Variants in CTIF observed in about 807,000 individuals in gnomAD.
CTIF encodes the protein cap binding complex dependent translation initiation factor.
In CTIF, 21 loss-of-function variants were observed where a neutral mutation model predicts 66.0. The ratio of observed to expected loss-of-function variants is 0.32; its 90% CI spans 0.23 to 0.46. The LOEUF (loss-of-function observed/expected upper bound fraction) is 0.46. Among genes scored for constraint, CTIF ranks in the 20% least tolerant of loss-of-function variants. The pLI is 1.00. For missense variants in CTIF, 739 were observed against 812.7 expected, an observed-to-expected ratio of 0.91 and a Z score of 1.10; for synonymous variants, 345 against 326.4, an observed-to-expected ratio of 1.06 and a Z score of -0.62.
In CTIF at chr18:48,817,289, C is replaced by T. The variant is rs141764588; in HGVS notation, c.1440C>T (p.Phe480=). Residue 480 remains phenylalanine (F), a synonymous_variant, in exon 10 of 12, where the codon TTC becomes TTT. Transcript: ENST00000256413. ...DVERWLGFIT[F]LCEVFGTMRS... is the part of the protein sequence containing the mutation. ...AGCGCTGGCTGGGCTTCATCACCTT[C>T]CTGTGCGAGGTCTTCGGCACCATGC... The T allele has an allele frequency of 5.8e-4, 929 of 1,614,048 alleles. 3 individuals are homozygous for T. In the African/African-American group the frequency reaches 0.011, roughly 19 times the overall value.
chr18:48,717,815 C>G (rs962710461), intron 7 of CTIF, among the ~76,000 whole-genome samples: 16 of 152,188 alleles, frequency 1.1e-4, no homozygotes, highest in African/African-American at 3.9e-4. Context: ...CAGCCTTGAA[C>G]TCCTGGCCTC....
Position 48,859,951 on chromosome 18 carries a change from C to A in CTIF, c.*392C>A, listed in dbSNP as rs1338279877. ...TCGCACGCCGGGGCACCGCTTGGGT[C>A]AGAAAGGACCTCGGAAGGCTGAAAA... On this transcript the variant is annotated 3_prime_UTR_variant, in exon 12 of 12. Transcript: ENST00000256413. 2.1e-6 allele frequency: 1 copy of A among 474,340 alleles called. No homozygotes were observed. The highest frequency in any genetic ancestry group is 4.2e-6 in the Non-Finnish European group (1 of 239,394). The allele number at this position is 474,340 out of a possible 1,614,324, so 29.4% of individuals were successfully genotyped here.
intron 7 of CTIF, among the ~76,000 whole-genome samples, chr18:48,712,680 A>T (rs368951464): frequency 6.6e-6 from 1 of 152,264 alleles, no homozygotes; most frequent in African/African-American, 2.4e-5. Context: ...GCCAAGAAAC[A>T]GCCGGTGGAC....
chr18:48,692,073 G>A (rs1263335537), intron 6 of CTIF, among the ~76,000 whole-genome samples: 1 of 152,082 alleles, frequency 6.6e-6, no homozygotes, highest in Admixed American at 6.5e-5. Context: ...GTAGAGATGG[G>A]GTTTTGCCAT....
At chr18:48,668,478 G>A (rs1325237092) in intron 5 of CTIF, among the ~76,000 whole-genome samples, 2 of 152,190 alleles carry the variant, frequency 1.3e-5, no homozygotes, top group South Asian at 2.1e-4. Flanking sequence ...TTCTCCACCT[G>A]CTCACCTGTA....
intron 1 of CTIF, among the ~76,000 whole-genome samples, chr18:48,591,279 G>T (rs537954931): frequency 2.6e-5 from 4 of 152,216 alleles, no homozygotes; most frequent in Non-Finnish European, 5.9e-5. Flanking sequence ...TGGGTCCCAG[G>T]CTGGCTGTGG....
At chr18:48,754,595 C>T (rs1272196352) in intron 7 of CTIF, among the ~76,000 whole-genome samples, 1 of 152,240 alleles carries the variant, frequency 6.6e-6, no homozygotes. Flanking sequence ...CATTTAGCTC[C>T]ATATCAAGAC....
At chr18:48,638,743 C>T (rs114860427) in intron 3 of CTIF, among the ~76,000 whole-genome samples, 1,543 of 152,336 alleles carry the variant, frequency 0.01, 26 homozygotes, top group African/African-American at 0.036. Flanking sequence ...TTTGACAAAA[C>T]GAAATATAAC....
At chr18:48,696,515 C>T (rs996489429) in intron 6 of CTIF, among the ~76,000 whole-genome samples, 3 of 152,176 alleles carry the variant, frequency 2.0e-5, no homozygotes, top group African/African-American at 4.8e-5. Context: ...GTACCGACAC[C>T]GCTCTTAGTC....
chr18:48,852,108 C>A (rs1195416539), intron 10 of CTIF, among the ~76,000 whole-genome samples: 1 of 151,718 alleles, frequency 6.6e-6, no homozygotes, highest in African/African-American at 2.4e-5. Flanking sequence ...TGGTGGTGCA[C>A]CCCTGCTCCC....
chr18:48,832,482 G>T (rs1001845515), intron 10 of CTIF, among the ~76,000 whole-genome samples: 1 of 152,198 alleles, frequency 6.6e-6, no homozygotes, highest in Admixed American at 6.5e-5. Flanking sequence ...AGAAAGGGAA[G>T]AGAAGGGCTG....
chr18:48,616,393 C>CT (rs1175670171), intron 1 of CTIF, among the ~76,000 whole-genome samples: 1 of 152,226 alleles, frequency 6.6e-6, no homozygotes, highest in African/African-American at 2.4e-5. Context: ...TAAGCACATG[C>CT]TCAGCACTTG....
chr18:48,590,171 C>T (rs578201461), intron 1 of CTIF, among the ~76,000 whole-genome samples: 1 of 152,254 alleles, frequency 6.6e-6, no homozygotes, highest in Non-Finnish European at 1.5e-5. Context: ...GGACCCAAGC[C>T]TCATGAGGCA....
intron 10 of CTIF, among the ~76,000 whole-genome samples, chr18:48,848,917 C>T (rs1437659532): frequency 6.6e-6 from 1 of 152,258 alleles, no homozygotes; most frequent in Non-Finnish European, 1.5e-5. Flanking sequence ...TCCGAACAAA[C>T]ACTGTGTGGG....
chr18:48,845,163 G>C (rs1320699370), intron 10 of CTIF, among the ~76,000 whole-genome samples: 2 of 151,696 alleles, frequency 1.3e-5, no homozygotes, highest in Admixed American at 6.6e-5. Context: ...GGTTGGGGGT[G>C]GGGGAGAGAG....
At chr18:48,656,334 G>A (rs1488944188) in intron 3 of CTIF, among the ~76,000 whole-genome samples, 1 of 152,236 alleles carries the variant, frequency 6.6e-6, no homozygotes, top group African/African-American at 2.4e-5. Context: ...CTGGCTCCAT[G>A]AACATTGGCA....
intron 7 of CTIF, among the ~76,000 whole-genome samples, chr18:48,719,240 G>T (rs1374736147): frequency 2.0e-5 from 3 of 152,064 alleles, no homozygotes; most frequent in Admixed American, 1.3e-4. Context: ...TCACATGTGG[G>T]CTCATGGGCA....
intron 9 of CTIF, among the ~76,000 whole-genome samples, chr18:48,804,628 A>G (rs1249543109): frequency 6.6e-6 from 1 of 152,176 alleles, no homozygotes; most frequent in East Asian, 1.9e-4. Context: ...TTTGCACCAG[A>G]TACGTTGCAC....
chr18:48,749,523 G>A (rs1568186268), intron 7 of CTIF, among the ~76,000 whole-genome samples: 1 of 152,168 alleles, frequency 6.6e-6, no homozygotes, highest in Non-Finnish European at 1.5e-5. Flanking sequence ...TCTGTACTAT[G>A]GGTGCACAGT....
Sources: allele counts gnomAD v4.1 joint callset (sites outside exome capture counted in the v4.1 genomes callset), GRCh38; gene constraint gnomAD v4.1.1; transcripts MANE v1.5; gene names NCBI Gene and HGNC (gene_info 2026-07-23, HGNC 2026-07-21).